Variants in TCP11L2 observed in about 807,000 individuals in gnomAD.
TCP11L2 encodes the protein T-complex protein 11-like protein 2.
Under a neutral mutation model 50.7 loss-of-function variants are expected in TCP11L2, and 39 were observed. That is an observed-to-expected ratio of 0.77 (90% CI 0.60 to 1.01). The LOEUF (loss-of-function observed/expected upper bound fraction) is 1.01, where lower values mean the gene tolerates loss of function less well. Ranked by LOEUF, TCP11L2 falls within the 50% of genes least tolerant of loss-of-function variation. The probability of loss-of-function intolerance (pLI) is 0.00; values close to 1 mark genes in which losing one functional copy is unlikely to be tolerated. For synonymous variants in TCP11L2, 192 were observed against 219.3 expected, an observed-to-expected ratio of 0.88 and a Z score of 1.10; for missense variants, 612 against 614.7, an observed-to-expected ratio of 1.00 and a Z score of 0.05.
chr12:106,311,246 G>A lies in TCP11L2; in HGVS notation c.157+14G>A. 1 of 1,612,050 alleles carries A rather than the reference G, an allele frequency of 6.2e-7. No homozygotes were observed. The highest frequency in any genetic ancestry group is 1.7e-5 in the Admixed American group (1 of 59,884). On this transcript the variant is annotated intron_variant, in intron 2 of 9. Coordinates refer to ENST00000299045, the MANE Select transcript of TCP11L2 (RefSeq NM_152772.3). ...GCTCTCCTGCTTGTGAGCCGATGGG[G>A]GAGCAGGGGTTGTGGGTGGCAGGGG...
At chr12:106,327,136 T>C (rs1168572870) in intron 6 of TCP11L2, among the ~76,000 whole-genome samples, 1 of 152,208 alleles carries the variant, frequency 6.6e-6, no homozygotes, top group Non-Finnish European at 1.5e-5. Context: ...ATGATTTTCT[T>C]CATCTCAAAT....
At chr12:106,315,817 T>C (rs1043281013) in intron 3 of TCP11L2, among the ~76,000 whole-genome samples, 16 of 152,232 alleles carry the variant, frequency 1.1e-4, no homozygotes, top group Admixed American at 8.5e-4. Context: ...TTGAGACTAT[T>C]ATTACAGATC....
intron 1 of TCP11L2, among the ~76,000 whole-genome samples, chr12:106,308,905 C>T (rs897940766): frequency 2.0e-5 from 3 of 152,154 alleles, no homozygotes; most frequent in Non-Finnish European, 4.4e-5. Context: ...TGGTCATGGA[C>T]AAGACACAAA....
intron 6 of TCP11L2, among the ~76,000 whole-genome samples, chr12:106,332,165 A>G (rs1356461182): frequency 6.6e-6 from 1 of 152,210 alleles, no homozygotes; most frequent in African/African-American, 2.4e-5. Context: ...GAGCTAGTAA[A>G]CACAGCCATT....
chr12:106,324,399 A>C (rs1299245470), intron 6 of TCP11L2: 1 of 152,152 alleles, frequency 6.6e-6, no homozygotes, highest in African/African-American at 2.4e-5. Flanking sequence ...GTAAGGGGAG[A>C]GTGGTAAGAG....
At position 106,345,879 on chromosome 12, in the gene TCP11L2, G is replaced by A. The variant is rs2036215396; in HGVS notation, c.1316-407G>A. On this transcript the variant is annotated intron_variant, in intron 9 of 9. Transcript: ENST00000299045. Reference sequence around the variant, plus strand: ...GTGTTTGAATGCTGGTTGGCTATGGGTTGGTCTAGGATGGCCTCAGATGGA... The same window carrying A: ...GTGTTTGAATGCTGGTTGGCTATGGATTGGTCTAGGATGGCCTCAGATGGA... Among the ~76,000 whole-genome samples, 6 of 152,180 alleles carry A rather than the reference G, an allele frequency of 3.9e-5. No individual in the cohort carries two copies. In the South Asian group the frequency reaches 1.2e-3, roughly 32 times the overall value.
upstream of TCP11L2, among the ~76,000 whole-genome samples, chr12:106,299,042 A>T (rs980559711): frequency 6.6e-6 from 1 of 150,932 alleles, no homozygotes; most frequent in Non-Finnish European, 1.5e-5. Context: ...TCTCGAACTC[A>T]TGACTTCAGG....
intron 6 of TCP11L2, chr12:106,330,116 G>C (rs2035696342): frequency 1.0e-6 from 1 of 985,186 alleles, no homozygotes; most frequent in Non-Finnish European, 1.2e-6. Context: ...GTTTCTAGTG[G>C]GAAACCTTAG....
In TCP11L2 at chr12:106,346,190, T is replaced by G. The variant is rs948189350; in HGVS notation, c.1316-96T>G. ...AGGGAGGGGTAAAGAATTGGGAACA[T>G]TATTGCAGTCAACCTACTACAATTA... On this transcript the variant is annotated intron_variant, in intron 9 of 9. Coordinates refer to ENST00000299045, the MANE Select transcript of TCP11L2 (RefSeq NM_152772.3). The G allele has an allele frequency of 3.8e-6, 5 of 1,302,572 alleles. No individual in the cohort carries two copies. The African/African-American group carries it at 7.5e-5, about 20-fold the overall frequency. 80.7% of individuals were successfully genotyped at this position (1,302,572 alleles called of 1,614,324 possible). A position where few individuals can be genotyped will look rare whatever the true frequency, so the allele number is the denominator to read the frequency against.
chr12:106,312,202 C>T, intron 2 of TCP11L2: 3 of 388,176 alleles, frequency 7.7e-6, no homozygotes, highest in Non-Finnish European at 1.5e-5. Context: ...ATTACTTTAC[C>T]AAGTGAATGT....
At chr12:106,335,446 C>T (rs2035882780) in intron 6 of TCP11L2, among the ~76,000 whole-genome samples, 193 bp from the exon 7 acceptor site, 5 of 152,216 alleles carry the variant, frequency 3.3e-5, no homozygotes, top group Non-Finnish European at 5.9e-5. Context: ...CCCACAATTA[C>T]TAGCATTCAT....
At position 106,346,655 on chromosome 12, in the gene TCP11L2, G is replaced by A; in HGVS notation, c.*125G>A. On this transcript the variant is annotated 3_prime_UTR_variant, in exon 10 of 10. Transcript: ENST00000299045. ...TGGTGCAGTATTAGCCCAAATCTGT[G>A]TAATGGGTAATATTAGCATTACAGA... The A allele has an allele frequency of 5.9e-6, 7 of 1,178,418 alleles. No individual in the cohort carries two copies. The highest frequency in any genetic ancestry group is 2.8e-5 in the Admixed American group (1 of 36,244). The allele number at this position is 1,178,418 out of a possible 1,614,324, so 73.0% of individuals were successfully genotyped here.
chr12:106,325,628 C>T (rs964169480), intron 6 of TCP11L2: 1 of 152,276 alleles, frequency 6.6e-6, no homozygotes, highest in Non-Finnish European at 1.5e-5. Flanking sequence ...CACAGTGGCT[C>T]ACACCTGTAA....
chr12:106,339,044 C>T (rs1220573633), intron 8 of TCP11L2, among the ~76,000 whole-genome samples: 1 of 152,170 alleles, frequency 6.6e-6, no homozygotes, highest in Non-Finnish European at 1.5e-5. Flanking sequence ...ACTCAGGAAG[C>T]TAAGGCAGGA....
intron 6 of TCP11L2, among the ~76,000 whole-genome samples, chr12:106,328,920 G>A (rs1375960061): frequency 2.6e-5 from 4 of 152,186 alleles, no homozygotes; most frequent in South Asian, 2.1e-4. Flanking sequence ...CCGGGAAGGA[G>A]TCGGCTCTGC....
intron 1 of TCP11L2, among the ~76,000 whole-genome samples, chr12:106,309,486 G>T (rs2034765278): frequency 6.6e-6 from 1 of 151,926 alleles, no homozygotes; most frequent in Admixed American, 6.6e-5. Context: ...ATTGAAGACG[G>T]TTGTTTAGGT....
rs200118589 is a variant in TCP11L2, at chr12:106,315,247, AAAAC to A, written c.293+766_293+769del. 8.4e-3 allele frequency among the ~76,000 whole-genome samples: 1,284 copies of A among 152,224 alleles called. 8 individuals are homozygous for A. Among genetic ancestry groups the A allele is most frequent in the Admixed American group, 0.011 (173 of 15,298 alleles). ...TACTCCGTCTCAAAAAACAAAAACA[AAAAC>A]AAACAAACAAAAAAATTCCCCTAGG... On this transcript the variant is annotated intron_variant, in intron 3 of 9. Coordinates refer to ENST00000299045, the MANE Select transcript of TCP11L2 (RefSeq NM_152772.3).
intron 1 of TCP11L2, chr12:106,307,462 G>C (rs1381276920): frequency 6.6e-6 from 1 of 152,170 alleles, no homozygotes; most frequent in Admixed American, 6.5e-5. Flanking sequence ...TGCATAAGGA[G>C]TATTACCTTT....
chr12:106,306,785 T>C (rs539538223), intron 1 of TCP11L2, among the ~76,000 whole-genome samples: 1 of 152,340 alleles, frequency 6.6e-6, no homozygotes, highest in South Asian at 2.1e-4. Flanking sequence ...GATACTATTA[T>C]TGTCCCATTT....
Sources: allele counts gnomAD v4.1 joint callset (sites outside exome capture counted in the v4.1 genomes callset), GRCh38; gene constraint gnomAD v4.1.1; transcripts MANE v1.5; gene names NCBI Gene and HGNC (gene_info 2026-07-23, HGNC 2026-07-21).